Variants in ZNF800 observed in about 807,000 individuals in gnomAD.
ZNF800 encodes zinc finger protein 800.
ZNF800 carries 13 observed loss-of-function variants against 59.5 expected under a neutral mutation model. The observed-to-expected ratio is 0.22, with a 90% CI of 0.14 to 0.35. ZNF800 has a LOEUF of 0.35. Among genes scored for constraint, ZNF800 ranks in the 10% least tolerant of loss-of-function variants. ZNF800 has a pLI of 1.00. For synonymous variants in ZNF800, 266 were observed against 265.7 expected, an observed-to-expected ratio of 1.00 and a Z score of -0.01; for missense variants, 621 against 783.7, an observed-to-expected ratio of 0.79 and a Z score of 2.48.
intron 4 of ZNF800, among the ~76,000 whole-genome samples, chr7:127,376,355 G>T (rs1175233565): frequency 2.6e-5 from 4 of 151,858 alleles, no homozygotes; most frequent in Non-Finnish European, 5.9e-5. Flanking sequence ...TCTATATTTT[G>T]TAAGTCAACA....
chr7:127,384,003 T>C (rs10255062), intron 3 of ZNF800, among the ~76,000 whole-genome samples: 97,306 of 151,772 alleles, frequency 0.64, 31,611 homozygotes, highest in East Asian at 0.86. Flanking sequence ...GCCTCACTTC[T>C]TTAGCTCAGA....
chr7:127,390,559 C>G (rs369667867), intron 2 of ZNF800, among the ~76,000 whole-genome samples: 1 of 152,138 alleles, frequency 6.6e-6, no homozygotes, highest in African/African-American at 2.4e-5. Context: ...AAAATGAACT[C>G]TACTGTGATA....
At chr7:127,387,926 A>G (rs915462226) in intron 2 of ZNF800, among the ~76,000 whole-genome samples, 6 of 146,226 alleles carry the variant, frequency 4.1e-5, no homozygotes, top group Admixed American at 6.7e-5. Context: ...GAACACACAC[A>G]CACACACACA....
At chr7:127,364,321 A>AT (rs1800457897) in intron 1 of ZNF800, 1 of 152,166 alleles carries the variant, frequency 6.6e-6, no homozygotes, top group South Asian at 2.1e-4. Flanking sequence ...TGGCAGAGGC[A>AT]TGGCTCTAAC....
intron 1 of ZNF800, among the ~76,000 whole-genome samples, chr7:127,348,732 T>G (rs1455357316): frequency 6.6e-6 from 1 of 152,244 alleles, no homozygotes; most frequent in African/African-American, 2.4e-5. Context: ...CAGGTAACGC[T>G]TTTTTAACTT....
intron 1 of ZNF800, among the ~76,000 whole-genome samples, chr7:127,349,125 AAC>A (rs1188171392): frequency 6.6e-5 from 10 of 152,164 alleles, no homozygotes; most frequent in African/African-American, 2.4e-4. Flanking sequence ...CAGACTTGGG[AAC>A]ACACAGTTTG....
chr7:127,374,475 C>T lies in ZNF800; in HGVS notation c.861G>A (p.Arg287=), dbSNP rs996401493. 8 of 1,614,086 alleles carry T rather than the reference C, an allele frequency of 5.0e-6. No homozygotes were observed. The highest frequency in any genetic ancestry group is 6.8e-6 in the Non-Finnish European group (8 of 1,179,974). ...ATGATTTACAACATACTGGACAACT[C>T]CTACTTAATGGAACTAGAACATTCT... The part of the protein sequence containing the change: ...RSKNVLVPLS[R]SCPVCCKSFA... The change falls in exon 5 of 6, where the codon AGG becomes AGA. Residue 287 remains arginine (R), a synonymous_variant. Transcript: ENST00000265827.
In ZNF800 at chr7:127,391,551, A is replaced by G. The variant is rs774727723; in HGVS notation, c.7T>C (p.Leu3=). The change falls in exon 2 of 6, where the codon TTA becomes CTA. Residue 3 remains leucine, a synonymous_variant. Coordinates refer to ENST00000265827, the MANE Select transcript of ZNF800 (RefSeq NM_176814.5). MP[L]RDKYCQTDHH... is the part of the protein sequence containing the mutation. The stretch of plus-strand genomic sequence containing the variant: ...TCAGTCTGACAGTATTTGTCCCTTA[A>G]AGGCATTTTCAGTGGACTCGACCTA... 1.5e-5 allele frequency: 25 copies of G among 1,614,000 alleles called. No individual in the cohort carries two copies. Among genetic ancestry groups the G allele is most frequent in the Non-Finnish European group, 1.9e-5 (22 of 1,180,028 alleles).
intron 3 of ZNF800, among the ~76,000 whole-genome samples, chr7:127,383,310 T>C (rs1302683108): frequency 3.9e-5 from 6 of 152,224 alleles, no homozygotes; most frequent in South Asian, 4.1e-4. Flanking sequence ...AGCTTGAAGA[T>C]AAAGGTAGAT....
At chr7:127,368,763 A>T (rs1025415007), downstream of ZNF800, among the ~76,000 whole-genome samples, 6 of 152,106 alleles carry the variant, frequency 3.9e-5, no homozygotes, top group Admixed American at 3.3e-4. Flanking sequence ...TGCCATAGCA[A>T]AATCATTAAC....
intron 2 of ZNF800, among the ~76,000 whole-genome samples, chr7:127,386,642 A>T (rs984263136): frequency 6.6e-6 from 1 of 152,224 alleles, no homozygotes; most frequent in African/African-American, 2.4e-5. Context: ...TAACTGAACA[A>T]GTGCACAATG....
At chr7:127,369,359 C>CA (rs1800580282), downstream of ZNF800, among the ~76,000 whole-genome samples, 2 of 152,220 alleles carry the variant, frequency 1.3e-5, no homozygotes, top group African/African-American at 4.8e-5. Context: ...TATAACAATA[C>CA]AAAATCACCT....
rs754758617 is a variant in ZNF800, at chr7:127,373,459, G to C, written c.1877C>G (p.Ala626Gly). The C allele has an allele frequency of 6.2e-7, 1 of 1,614,066 alleles. No individual in the cohort carries two copies. Among genetic ancestry groups the C allele is most frequent in the Non-Finnish European group, 8.5e-7 (1 of 1,179,984 alleles). ...TTCAAGGTAAGTCTTTTTGGCAAAT[G>C]CCTTTCCACATTTATTGCATCTGTG... ...SLHRCNKCGK[A>G]FAKKTYLEHH... The change falls in exon 5 of 6, where the codon GCA becomes GGA. Residue 626 changes from alanine (A) to glycine (G), a missense_variant. By Grantham distance (60) the Ala-to-Gly change is moderately conservative. This residue lies in a region of ZNF800 where 94 missense variants were observed against 108.5 expected (regional missense o/e 0.87). Transcript: ENST00000265827.
downstream of ZNF800, among the ~76,000 whole-genome samples, chr7:127,369,279 A>G (rs1800578289): frequency 6.6e-6 from 1 of 152,166 alleles, no homozygotes; most frequent in African/African-American, 2.4e-5. Flanking sequence ...GGTAGATATA[A>G]TTTATAGCCA....
chr7:127,386,231 C>G, intron 2 of ZNF800, 76 bp from the exon 3 acceptor site: 1 of 829,332 alleles, frequency 1.2e-6, no homozygotes, highest in Non-Finnish European at 2.0e-6. Context: ...TAAAGTAAAA[C>G]AATGGCTTTC....
intron 5 of ZNF800, chr7:127,372,743 C>T (rs908432680): frequency 1.7e-5 from 17 of 985,244 alleles, no homozygotes; most frequent in Non-Finnish European, 2.0e-5. Context: ...TTACCACCAA[C>T]TTTCCCCCTT....
intron 3 of ZNF800, among the ~76,000 whole-genome samples, chr7:127,380,839 C>A (rs780136362): frequency 3.3e-5 from 5 of 152,180 alleles, no homozygotes; most frequent in Non-Finnish European, 7.3e-5. Context: ...TTACATAGAT[C>A]AGTACCTTTC....
Position 127,373,922 on chromosome 7 carries a change from T to G in ZNF800, c.1414A>C (p.Thr472Pro), listed in dbSNP as rs1435406464. The G allele has an allele frequency of 6.2e-7, 1 of 1,614,158 alleles. No homozygotes were observed. Among genetic ancestry groups the G allele is most frequent in the East Asian group, 2.2e-5 (1 of 44,876 alleles). ...SPSAAGGQQK[T>P]RKPKLSAGFD... ...CCAGCTGAAAGTTTTGGTTTTCTGG[T>G]TTTTTGCTGGCCACCTGCAGCCGAC... is the stretch of plus-strand genomic sequence containing the variant. Residue 472 changes from threonine to proline, a missense_variant, in exon 5 of 6, where the codon ACC becomes CCC. By Grantham distance (38) the Thr-to-Pro change is conservative (BLOSUM62 -1). Coordinates refer to ENST00000265827, the MANE Select transcript of ZNF800 (RefSeq NM_176814.5).
rs17874999 is a variant in ZNF800, at chr7:127,380,521, A to T, written c.158-3192T>A. Reference sequence around the variant, plus strand: ...ATAAAAGTTTTTCCCTTAGTTTCAGACACCACTTAAGATTTTTTTATTTTT... The same window carrying T: ...ATAAAAGTTTTTCCCTTAGTTTCAGTCACCACTTAAGATTTTTTTATTTTT... On this transcript the variant is annotated intron_variant, in intron 3 of 5. Coordinates refer to ENST00000265827, the MANE Select transcript of ZNF800 (RefSeq NM_176814.5). Among the ~76,000 whole-genome samples, 72 of 152,350 alleles carry T rather than the reference A, an allele frequency of 4.7e-4. 1 individual carries two copies. In the East Asian group the frequency reaches 0.012, roughly 26 times the overall value.
Sources: gnomAD v4.1 joint callset for allele counts (sites outside exome capture counted in the v4.1 genomes callset) on GRCh38, gnomAD v4.1.1 for gene constraint, gnomAD v4.1.1 regional missense constraint, MANE v1.5 for transcripts, NCBI Gene and HGNC (gene_info 2026-07-23, HGNC 2026-07-21) for gene names.